PSMF1: variants seen among roughly 807,000 people sequenced by gnomAD.
The protein encoded by PSMF1 is proteasome inhibitor subunit 1, also known as proteasome inhibitor PI31 subunit.
PSMF1 carries 30 observed loss-of-function variants against 29.3 expected under a neutral mutation model. The observed-to-expected ratio is 1.02, with a 90% confidence interval of 0.77 to 1.39. The LOEUF is 1.39. Ranked by LOEUF, PSMF1 falls within the 40% of genes most tolerant of loss-of-function variation. PSMF1 has a pLI of 0.00. For missense variants in PSMF1, 344 were observed against 357.5 expected (o/e 0.96, Z 0.31); for synonymous variants, 134 against 139.7 (o/e 0.96, Z 0.29).
chr20:1,116,000 G>A (rs2086008587), upstream of PSMF1, among the ~76,000 whole-genome samples: 2 of 150,844 alleles, frequency 1.3e-5, no homozygotes, highest in Admixed American at 1.3e-4. Flanking sequence ...CAAAGTGCTG[G>A]GATTACAGGT....
chr20:1,117,789 G>A (rs2086026788), upstream of PSMF1: 1 of 152,240 alleles, frequency 6.6e-6, no homozygotes, highest in African/African-American at 2.4e-5. Context: ...GTTAGTGACT[G>A]GGATGGGGAA....
chr20:1,143,805 T>G (rs1383694794), intron 4 of PSMF1, among the ~76,000 whole-genome samples: 1 of 151,774 alleles, frequency 6.6e-6, no homozygotes, highest in Non-Finnish European at 1.5e-5. Flanking sequence ...AATGGAAAAA[T>G]GAAGGCCAGG....
intron 4 of PSMF1, among the ~76,000 whole-genome samples, chr20:1,153,951 A>G (rs1003912256): frequency 3.3e-5 from 5 of 152,244 alleles, no homozygotes; most frequent in African/African-American, 1.2e-4. Flanking sequence ...GAAAGTTATT[A>G]AGTACAGTAT....
At chr20:1,119,429 CAG>C (rs1269586171) in intron 1 of PSMF1, among the ~76,000 whole-genome samples, 1 of 152,114 alleles carries the variant, frequency 6.6e-6, no homozygotes, top group Non-Finnish European at 1.5e-5. Context: ...AGCATGGGCC[CAG>C]AGAGTTCACA....
chr20:1,165,815 C>A lies in PSMF1; in HGVS notation c.*735C>A. 1 of 1,073,758 alleles carries A rather than the reference C, an allele frequency of 9.3e-7. No homozygotes were observed. Among genetic ancestry groups the A allele is most frequent in the Non-Finnish European group, 1.1e-6 (1 of 882,198 alleles). The allele number at this position is 1,073,758 out of a possible 1,614,324, so 66.5% of individuals were successfully genotyped here. ...TGTAGGTCCATCTGTGCATGGGCAG[C>A]AGTAGTCAAAAAGCCAAGGAAAAAA... On this transcript the variant is annotated 3_prime_UTR_variant, in exon 7 of 7. Coordinates refer to ENST00000335877, the MANE Select transcript of PSMF1 (RefSeq NM_006814.5).
intron 2 of PSMF1, among the ~76,000 whole-genome samples, chr20:1,126,740 G>A (rs756547557): frequency 2.6e-5 from 4 of 152,044 alleles, no homozygotes; most frequent in Non-Finnish European, 2.9e-5. Flanking sequence ...TTAGCCGGGC[G>A]TGGTCGTGGG....
chr20:1,160,787 G>A, intron 4 of PSMF1: 1 of 429,040 alleles, frequency 2.3e-6, no homozygotes, highest in Non-Finnish European at 4.8e-6. Flanking sequence ...TGACGATGAA[G>A]TACCCCATCG....
In PSMF1 at chr20:1,140,870, A is replaced by G. The variant is rs939064243; in HGVS notation, c.551+5564A>G. ...GAAAAGGTGTGCAACAACATTGGTCATTAGGGAAATGGAAATCCAAACCAA... is the reference window on the plus strand; with the variant it reads ...GAAAAGGTGTGCAACAACATTGGTCGTTAGGGAAATGGAAATCCAAACCAA... On this transcript the variant is annotated intron_variant, in intron 4 of 6. Transcript: ENST00000335877. 5.9e-5 allele frequency among the ~76,000 whole-genome samples: 9 copies of G among 152,380 alleles called. No homozygotes were observed. The East Asian group carries it at 1.5e-3, about 26-fold the overall frequency.
At chr20:1,113,641 G>A (rs1468506639), upstream of PSMF1, among the ~76,000 whole-genome samples, 4 of 152,028 alleles carry the variant, frequency 2.6e-5, no homozygotes, top group African/African-American at 9.7e-5. Context: ...TGATGCCAGT[G>A]CCTATTCCAT....
Position 1,125,617 on chromosome 20 carries a change from C to T in PSMF1, c.249C>T (p.Ile83=), listed in dbSNP as rs1404782776. Residue 83 remains isoleucine (I), a synonymous_variant, in exon 2 of 7, where the codon ATC becomes ATT. Coordinates refer to ENST00000335877, the MANE Select transcript of PSMF1 (RefSeq NM_006814.5). ...CCAGAAAGCTCCTTGTGAAAGCCAT[C>T]ACCGTGGAGAGCAGCATGATCCTCA... ...DGSRKLLVKA[I]TVESSMILNV... 4 of 1,613,828 alleles carry T rather than the reference C, an allele frequency of 2.5e-6. No homozygotes were observed. Among genetic ancestry groups the T allele is most frequent in the Admixed American group, 1.7e-5 (1 of 59,986 alleles).
intron 4 of PSMF1, among the ~76,000 whole-genome samples, chr20:1,142,064 A>G (rs978266542): frequency 1.3e-5 from 2 of 152,066 alleles, no homozygotes; most frequent in South Asian, 2.1e-4. Flanking sequence ...TCTACTAAAA[A>G]TAGAAAAATT....
In PSMF1 at chr20:1,159,784, C is replaced by T. The variant is rs567749786; in HGVS notation, c.552-3346C>T. On this transcript the variant is annotated intron_variant, in intron 4 of 6. Transcript: ENST00000335877. ...TAACCTAGGTCAGGAAAAATTCCTT[C>T]CCTAGGAAACCTGGCCTTGTCCATT... 1.7e-3 allele frequency among the ~76,000 whole-genome samples: 256 copies of T among 152,256 alleles called. 1 individual carries two copies. The highest frequency in any genetic ancestry group is 5.8e-3 in the African/African-American group (241 of 41,534).
chr20:1,139,199 A>G (rs535118791), intron 4 of PSMF1, among the ~76,000 whole-genome samples: 16 of 152,254 alleles, frequency 1.1e-4, no homozygotes, highest in African/African-American at 3.6e-4. Flanking sequence ...AAGAACAACA[A>G]CAAAAAACAA....
intron 4 of PSMF1, chr20:1,160,664 TG>T: frequency 4.0e-6 from 2 of 505,812 alleles, no homozygotes. Flanking sequence ...ACGACGCCCC[TG>T]GAACCATGTT....
chr20:1,119,163 C>T (rs189793301), intron 1 of PSMF1, among the ~76,000 whole-genome samples: 1 of 152,316 alleles, frequency 6.6e-6, no homozygotes, highest in Non-Finnish European at 1.5e-5. Context: ...CTGGCAGCCT[C>T]TCAGGCCAGG....
chr20:1,160,572 C>T, intron 4 of PSMF1: 1 of 468,350 alleles, frequency 2.1e-6, no homozygotes. Context: ...CCCAGCTCCT[C>T]CACCGATCAC....
Position 1,164,491 on chromosome 20 carries a change from A to G in PSMF1, c.764+15A>G, listed in dbSNP as rs768442767. 1 of 1,613,310 alleles carries G rather than the reference A, an allele frequency of 6.2e-7. No individual in the cohort carries two copies. Among genetic ancestry groups the G allele is most frequent in the Non-Finnish European group, 8.5e-7 (1 of 1,179,376 alleles). On this transcript the variant is annotated intron_variant, in intron 6 of 6. Coordinates refer to ENST00000335877, the MANE Select transcript of PSMF1 (RefSeq NM_006814.5). This position sits in a 1 kb window ranked among gnomAD's most constrained non-coding sequence, Gnocchi z 4.1. The stretch of plus-strand genomic sequence containing the variant: ...AGCCCACCCGGGTACGTAGTCACTC[A>G]GGTATGCTGAGAAGTAGGACCTGAT...
At position 1,148,337 on chromosome 20, in the gene PSMF1, A is replaced by C. The variant is rs2086482445; in HGVS notation, c.551+13031A>C. ...AGGAAAATATTTTTTTATCCAGCCT[A>C]ACTTTTCATTATCATTATAAGTCTA... On this transcript the variant is annotated intron_variant, in intron 4 of 6. Transcript: ENST00000335877. Among the ~76,000 whole-genome samples, 3 of 152,178 alleles carry C rather than the reference A, an allele frequency of 2.0e-5. No homozygotes were observed. In the South Asian group the frequency reaches 6.2e-4, roughly 32 times the overall value.
intron 4 of PSMF1, among the ~76,000 whole-genome samples, chr20:1,158,359 G>T (rs1236337334): frequency 6.6e-6 from 1 of 152,086 alleles, no homozygotes; most frequent in Non-Finnish European, 1.5e-5. Context: ...TATCATTATG[G>T]CAGGCCCTGT....
Sources: gnomAD v4.1 joint callset for allele counts (sites outside exome capture counted in the v4.1 genomes callset) on GRCh38, gnomAD v4.1.1 for gene constraint, Gnocchi (gnomAD v3.1) non-coding constraint, MANE v1.5 for transcripts, NCBI Gene and HGNC (gene_info 2026-07-23, HGNC 2026-07-21) for gene names.